Variants in TPX2 observed in about 807,000 individuals in gnomAD.
TPX2 encodes TPX2 microtubule nucleation factor, also known as targeting protein for Xklp2.
A neutral mutation model predicts 93.6 loss-of-function variants in TPX2; 21 were observed. The ratio of observed to expected loss-of-function variants is 0.22; its 90% CI spans 0.16 to 0.32. The LOEUF (loss-of-function observed/expected upper bound fraction) is 0.32. Among genes scored for constraint, TPX2 ranks in the 10% least tolerant of loss-of-function variants. TPX2 has a pLI of 1.00. For synonymous variants in TPX2, 281 were observed against 298.3 expected, an observed-to-expected ratio of 0.94 and a Z score of 0.60; for missense variants, 776 against 871.1, an observed-to-expected ratio of 0.89 and a Z score of 1.37.
At chr20:31,766,781 A>G (rs2061929837) in intron 5 of TPX2, 99 bp downstream of exon 5, 1 of 1,117,114 alleles carries the variant, frequency 9.0e-7, no homozygotes, top group Non-Finnish European at 1.2e-6. Context: ...GTGTTTATGG[A>G]CACCTTTATG....
At position 31,771,606 on chromosome 20, in the gene TPX2, G is replaced by C; in HGVS notation, c.532G>C (p.Asp178His). The C allele has an allele frequency of 6.2e-7, 1 of 1,614,002 alleles. No homozygotes were observed. The highest frequency in any genetic ancestry group is 2.2e-5 in the East Asian group (1 of 44,864). ...AGAGGAAGAAGGCAGTGCTCATCAA[G>C]ATACTGCTGAAAAGAATGCATCTTC... Reference protein sequence around the residue: ...KPEEEGSAHQDTAEKNASSPE... With the variant: ...KPEEEGSAHQHTAEKNASSPE... Residue 178 changes from aspartate (D) to histidine (H), a missense_variant, in exon 7 of 18, where the codon GAT becomes CAT. This residue lies in a region of TPX2 where 279 missense variants were observed against 261.6 expected (regional missense o/e 1.07). Transcript: ENST00000300403.
In TPX2 at chr20:31,801,306, G is replaced by C. The variant is rs754934867; in HGVS notation, c.*226G>C. On this transcript the variant is annotated 3_prime_UTR_variant, in exon 18 of 18. Transcript: ENST00000300403. Reference sequence around the variant, plus strand: ...ATGAGATGTAACTCATGAATGTCTCGATTAGACTCCATGTAGTTACTTCCT... The same window carrying C: ...ATGAGATGTAACTCATGAATGTCTCCATTAGACTCCATGTAGTTACTTCCT... 3 of 484,854 alleles carry C rather than the reference G, an allele frequency of 6.2e-6. No homozygotes were observed. Among genetic ancestry groups the C allele is most frequent in the Non-Finnish European group, 1.1e-5 (3 of 269,216 alleles). The allele number at this position is 484,854 out of a possible 1,614,324, so 30.0% of individuals were successfully genotyped here.
chr20:31,799,919 AAAG>A (rs1052138029), intron 17 of TPX2, among the ~76,000 whole-genome samples: 4 of 150,614 alleles, frequency 2.7e-5, no homozygotes, highest in South Asian at 4.2e-4. Context: ...AAAAAAAAAA[AAAG>A]AAGTGTAAGT....
intron 7 of TPX2, among the ~76,000 whole-genome samples, chr20:31,772,355 G>T (rs1398437574): frequency 6.6e-6 from 1 of 152,052 alleles, no homozygotes; most frequent in Non-Finnish European, 1.5e-5. Context: ...TTGTAGAGAT[G>T]GGATTTCACT....
chr20:31,766,583 A>G lies in TPX2; in HGVS notation c.257A>G (p.Glu86Gly). ...GACAACACTTACTACAAAGAGGCAG[A>G]AAAAGAAAATCTTGTGGAACAATCC... is the stretch of plus-strand genomic sequence containing the variant. ...PVDNTYYKEAEKENLVEQSIP... is the reference protein window; with the variant it reads ...PVDNTYYKEAGKENLVEQSIP... Residue 86 changes from glutamate (E) to glycine (G), a missense_variant, in exon 5 of 18, where the codon GAA becomes GGA. Glu to Gly is a moderately conservative substitution (Grantham distance 98). Coordinates refer to ENST00000300403, the MANE Select transcript of TPX2 (RefSeq NM_012112.5). The G allele has an allele frequency of 6.2e-7, 1 of 1,613,672 alleles. No homozygotes were observed. The highest frequency in any genetic ancestry group is 8.5e-7 in the Non-Finnish European group (1 of 1,179,904).
intron 10 of TPX2, among the ~76,000 whole-genome samples, chr20:31,781,734 G>A (rs1600384522): frequency 6.6e-6 from 1 of 151,936 alleles, no homozygotes; most frequent in Admixed American, 6.5e-5. Context: ...CTTGAGCCCA[G>A]TAGTTCAAGA....
At chr20:31,748,074 A>G (rs1001946361) in intron 2 of TPX2, among the ~76,000 whole-genome samples, 1 of 152,130 alleles carries the variant, frequency 6.6e-6, no homozygotes, top group Non-Finnish European at 1.5e-5. Flanking sequence ...AGACTTCTCA[A>G]TGGATATGTA....
chr20:31,783,090 G>A (rs951050603), intron 11 of TPX2, among the ~76,000 whole-genome samples: 1 of 152,052 alleles, frequency 6.6e-6, no homozygotes, highest in African/African-American at 2.4e-5. Context: ...AGTGTGATTC[G>A]TAGCATTGGA....
chr20:31,747,769 C>CT (rs1236018315), intron 2 of TPX2, among the ~76,000 whole-genome samples: 2,185 of 124,502 alleles, frequency 0.018, 52 homozygotes, highest in African/African-American at 0.043. Flanking sequence ...ACGCATGTGC[C>CT]TTTTTTTTTT....
At chr20:31,764,277 C>G (rs989581742) in intron 4 of TPX2, among the ~76,000 whole-genome samples, 2 of 152,070 alleles carry the variant, frequency 1.3e-5, no homozygotes, top group African/African-American at 4.8e-5. Flanking sequence ...ACAGGTGATC[C>G]TCTTACCTCA....
intron 10 of TPX2, among the ~76,000 whole-genome samples, chr20:31,781,901 C>T (rs1300919141): frequency 2.6e-5 from 4 of 151,764 alleles, no homozygotes; most frequent in African/African-American, 7.3e-5. Context: ...CCTTTATGCC[C>T]CTGCACTCTA....
At chr20:31,772,924 G>T (rs1398583147) in intron 7 of TPX2, among the ~76,000 whole-genome samples, 1 of 149,778 alleles carries the variant, frequency 6.7e-6, no homozygotes, top group Non-Finnish European at 1.5e-5. Flanking sequence ...GATATTTATT[G>T]CCAATTTTAC....
intron 2 of TPX2, among the ~76,000 whole-genome samples, chr20:31,749,359 T>C (rs895131088): frequency 1.3e-5 from 2 of 152,230 alleles, no homozygotes; most frequent in Admixed American, 1.3e-4. Flanking sequence ...GAATAAGTAG[T>C]AAATCTCTCT....
rs115819198 is a variant in TPX2 at position 31,779,731 on chromosome 20, G to A, written c.1054+747G>A. On this transcript the variant is annotated intron_variant, in intron 10 of 17. Coordinates refer to ENST00000300403, the MANE Select transcript of TPX2 (RefSeq NM_012112.5). ...TACGAGAGAGAGGAGATAACTAATG[G>A]ATTAAGTCCCTGAGCAGGCAGGTAT... Among the ~76,000 whole-genome samples the A allele has an allele frequency of 3.0e-3, 456 of 152,252 alleles. 5 individuals are homozygous for A. Among genetic ancestry groups the A allele is most frequent in the African/African-American group, 0.011 (443 of 41,542 alleles).
Position 31,770,392 on chromosome 20 carries a change from C to T in TPX2, c.406C>T (p.His136Tyr), listed in dbSNP as rs769867284. ...GAAGGATTTGGAACAGAAAGAAAAG[C>T]ATCATGTAAAAATGAAAGCCAAGAG... ...AQKDLEQKEK[H>Y]HVKMKAKRCA... Residue 136 changes from histidine to tyrosine, a missense_variant, in exon 6 of 18, where the codon CAT becomes TAT. Physicochemically the swap from His to Tyr is moderately conservative, Grantham distance 83. This residue lies in a region of TPX2 where 279 missense variants were observed against 261.6 expected (regional missense o/e 1.07). Transcript: ENST00000300403. 1.6e-5 allele frequency: 25 copies of T among 1,605,884 alleles called. 1 individual carries two copies. The highest frequency in any genetic ancestry group is 6.7e-5 in the South Asian group (6 of 89,732).
chr20:31,759,184 C>T (rs965412614), intron 3 of TPX2, among the ~76,000 whole-genome samples: 1 of 151,992 alleles, frequency 6.6e-6, no homozygotes, highest in African/African-American at 2.4e-5. Context: ...CTGAAACTAT[C>T]AGTAGGCTGT....
chr20:31,796,021 CCTT>C (rs1233976532), intron 15 of TPX2, among the ~76,000 whole-genome samples: 1 of 152,150 alleles, frequency 6.6e-6, no homozygotes, highest in Non-Finnish European at 1.5e-5. Flanking sequence ...CTCTAAGAAA[CCTT>C]AGGACTGTTG....
intron 1 of TPX2, among the ~76,000 whole-genome samples, chr20:31,741,517 T>C (rs558699993): frequency 1.3e-5 from 2 of 151,646 alleles, no homozygotes; most frequent in African/African-American, 4.8e-5. Flanking sequence ...CTCACTTTGT[T>C]ACCTAGGCTG....
At chr20:31,789,961 G>C (rs961792247) in intron 12 of TPX2, among the ~76,000 whole-genome samples, 1 of 152,188 alleles carries the variant, frequency 6.6e-6, no homozygotes, top group Admixed American at 6.5e-5. Context: ...AAAACCCCAA[G>C]GCCTAGAAGG....
Sources: gnomAD v4.1 joint callset for allele counts (sites outside exome capture counted in the v4.1 genomes callset) on GRCh38, gnomAD v4.1.1 for gene constraint, gnomAD v4.1.1 regional missense constraint, MANE v1.5 for transcripts, NCBI Gene and HGNC (gene_info 2026-07-23, HGNC 2026-07-21) for gene names.